CENPK: variants seen among roughly 807,000 people sequenced by gnomAD.
The protein encoded by CENPK is SoxLZ/Sox6-binding protein Solt.
CENPK carries 46 observed loss-of-function variants against 40.9 expected under a neutral mutation model. The ratio of observed to expected loss-of-function variants is 1.13; its 90% CI spans 0.89 to 1.44. The LOEUF is 1.44. Among genes scored for constraint, CENPK ranks in the 40% most tolerant of loss-of-function variants. The probability of loss-of-function intolerance (pLI) is 0.00; values close to 1 mark genes in which losing one functional copy is unlikely to be tolerated. For synonymous variants in CENPK, 107 were observed against 104.4 expected (o/e 1.02, Z -0.15); for missense variants, 288 against 303.5 (o/e 0.95, Z 0.38).
At chr5:65,509,075 T>G in the CENPK span, among the ~76,000 whole-genome samples, 11 of 152,286 alleles carry the variant, frequency 7.2e-5, no homozygotes, top group African/African-American at 2.6e-4. Flanking sequence ...GAGTACCCAC[T>G]TTAAACATGG....
chr5:65,556,390 G>T (rs35473362), intron 2 of CENPK, among the ~76,000 whole-genome samples: 52 of 152,078 alleles, frequency 3.4e-4, no homozygotes, highest in Admixed American at 2.5e-3. Flanking sequence ...CAGGAAGATC[G>T]CTTGAGTCCA....
downstream of CENPK, among the ~76,000 whole-genome samples, chr5:65,514,739 T>A (rs1742748139): frequency 6.6e-6 from 1 of 152,240 alleles, no homozygotes; most frequent in South Asian, 2.1e-4. Context: ...CAATTTATTT[T>A]ATAAGTTTAT....
At chr5:65,496,835 C>T in the CENPK span, among the ~76,000 whole-genome samples, 1 of 151,952 alleles carries the variant, frequency 6.6e-6, no homozygotes, top group East Asian at 1.9e-4. Flanking sequence ...AGGTAGATCA[C>T]AAGGTCAGGA....
At chr5:65,559,557 A>G (rs1751592957) in intron 2 of CENPK, among the ~76,000 whole-genome samples, 1 of 146,002 alleles carries the variant, frequency 6.8e-6, no homozygotes, top group Non-Finnish European at 1.5e-5. Flanking sequence ...TGAACCCGGG[A>G]GGCGGAGCTT....
At chr5:65,510,650 C>A in the CENPK span, among the ~76,000 whole-genome samples, 1 of 152,022 alleles carries the variant, frequency 6.6e-6, no homozygotes, top group Non-Finnish European at 1.5e-5. Flanking sequence ...GTGGTGCACG[C>A]CTGTAATCCC....
chr5:65,535,343 C>A (rs540413756), intron 6 of CENPK, among the ~76,000 whole-genome samples: 140 of 152,284 alleles, frequency 9.2e-4, no homozygotes, highest in African/African-American at 3.1e-3. Flanking sequence ...GTCTTCAGAA[C>A]TGCCCTTGGT....
intron 2 of CENPK, among the ~76,000 whole-genome samples, chr5:65,558,344 C>G (rs1407101730): frequency 6.6e-6 from 1 of 152,020 alleles, no homozygotes; most frequent in East Asian, 1.9e-4. Flanking sequence ...AGAATGGGAT[C>G]TAGTACATAA....
chr5:65,521,800 C>T (rs931833685), intron 9 of CENPK, among the ~76,000 whole-genome samples: 2 of 152,144 alleles, frequency 1.3e-5, no homozygotes, highest in Admixed American at 6.5e-5. Context: ...GAGGTTTCAC[C>T]CTGTTGGCCA....
At chr5:65,511,856 T>A in the CENPK span, among the ~76,000 whole-genome samples, 1 of 152,092 alleles carries the variant, frequency 6.6e-6, no homozygotes, top group Non-Finnish European at 1.5e-5. Context: ...ACAAAACTGG[T>A]CCCTGGTGAC....
the CENPK span, among the ~76,000 whole-genome samples, chr5:65,504,865 C>T: frequency 2.6e-5 from 4 of 152,128 alleles, no homozygotes; most frequent in Non-Finnish European, 4.4e-5. Flanking sequence ...GAAGTTATAT[C>T]TGTTAACTCT....
At chr5:65,501,140 A>G in the CENPK span, among the ~76,000 whole-genome samples, 1 of 90,164 alleles carries the variant, frequency 1.1e-5, no homozygotes. Context: ...TTCTATTTTC[A>G]TTTGTTTCAG....
chr5:65,543,563 C>T (rs899969468), intron 5 of CENPK, among the ~76,000 whole-genome samples: 2 of 152,138 alleles, frequency 1.3e-5, no homozygotes, highest in African/African-American at 4.8e-5. Context: ...ATAAAACCCC[C>T]AGGGAAACCT....
intron 9 of CENPK, among the ~76,000 whole-genome samples, chr5:65,525,897 G>T (rs1363193917): frequency 1.3e-5 from 2 of 152,076 alleles, no homozygotes; most frequent in Non-Finnish European, 2.9e-5. Flanking sequence ...CTTTCGTCTT[G>T]AACTTCTAGC....
intron 6 of CENPK, among the ~76,000 whole-genome samples, chr5:65,536,777 AGCTTT>A (rs1302338816): frequency 1.3e-5 from 2 of 152,152 alleles, no homozygotes; most frequent in Non-Finnish European, 2.9e-5. Flanking sequence ...ATTCGACTTT[AGCTTT>A]ATTTCTTCTA....
At chr5:65,516,135 A>G (rs569866862), downstream of CENPK, among the ~76,000 whole-genome samples, 49 of 152,304 alleles carry the variant, frequency 3.2e-4, no homozygotes, top group Non-Finnish European at 6.0e-4. Context: ...TAGGGCTTCA[A>G]CATATAAATC....
the CENPK span, among the ~76,000 whole-genome samples, chr5:65,507,905 G>A: frequency 7.9e-5 from 12 of 152,218 alleles, no homozygotes; most frequent in South Asian, 6.2e-4. Flanking sequence ...CAAGAGTACT[G>A]GCAAGTTATT....
intron 10 of CENPK, 114 bp downstream of exon 10, chr5:65,521,361 T>C (rs1159112481): frequency 4.4e-6 from 3 of 685,570 alleles, no homozygotes; most frequent in Non-Finnish European, 7.6e-6. Context: ...TTAATAAAGA[T>C]TGATGCATAC....
chr5:65,541,175 A>C (rs1747908854), intron 6 of CENPK, among the ~76,000 whole-genome samples: 2 of 152,094 alleles, frequency 1.3e-5, no homozygotes, highest in South Asian at 4.1e-4. Flanking sequence ...AAGTAAGTTT[A>C]TCTCTCAGTT....
the CENPK span, among the ~76,000 whole-genome samples, chr5:65,502,869 A>G: frequency 6.6e-6 from 1 of 151,924 alleles, no homozygotes; most frequent in South Asian, 2.1e-4. Flanking sequence ...GCAGTGGTGC[A>G]AGCTCGGCTC....
Sources: allele counts gnomAD v4.1 joint callset (sites outside exome capture counted in the v4.1 genomes callset), GRCh38; gene constraint gnomAD v4.1.1; transcripts MANE v1.5; gene names NCBI Gene and HGNC (gene_info 2026-07-23, HGNC 2026-07-21).